Variants in IGF1R observed in about 807,000 individuals in gnomAD.
The protein encoded by IGF1R is insulin like growth factor 1 receptor.
Under a neutral mutation model 144.6 loss-of-function variants are expected in IGF1R, and 44 were observed. The ratio of observed to expected loss-of-function variants is 0.30; its 90% CI spans 0.24 to 0.39. The LOEUF is 0.39. Among genes scored for constraint, IGF1R ranks in the 10% least tolerant of loss-of-function variants. The probability of loss-of-function intolerance (pLI) is 1.00; values close to 1 mark genes in which losing one functional copy is unlikely to be tolerated. For missense variants in IGF1R, 1,355 were observed against 1,833.7 expected (o/e 0.74, Z 4.77); for synonymous variants, 795 against 722.8 (o/e 1.10, Z -1.60).
In IGF1R at chr15:98,960,254, A is replaced by T. The variant is rs1053858243; in HGVS notation, c.*2812A>T. 1.7e-5 allele frequency: 4 copies of T among 233,114 alleles called. No individual in the cohort carries two copies. The highest frequency in any genetic ancestry group is 2.5e-5 in the Non-Finnish European group (3 of 118,012). 14.4% of individuals were successfully genotyped at this position (233,114 alleles called of 1,614,324 possible). On this transcript the variant is annotated 3_prime_UTR_variant, in exon 21 of 21. Transcript: ENST00000650285. ...TAACTCACCTCTCTGCTCATTTCAGACAGCTTGCCTTTTTCTGAGATGTCC... is the reference window on the plus strand; with the variant it reads ...TAACTCACCTCTCTGCTCATTTCAGTCAGCTTGCCTTTTTCTGAGATGTCC...
chr15:98,933,315 T>C (rs1417180283), intron 15 of IGF1R, among the ~76,000 whole-genome samples: 3 of 152,238 alleles, frequency 2.0e-5, no homozygotes, highest in African/African-American at 7.2e-5. Flanking sequence ...TTGTTTTGCC[T>C]TCCTTCCTGC....
intron 2 of IGF1R, among the ~76,000 whole-genome samples, chr15:98,887,683 G>C (rs569820498): frequency 3.9e-5 from 6 of 152,202 alleles, no homozygotes; most frequent in African/African-American, 1.4e-4. Flanking sequence ...CACGCCTGAC[G>C]AGCGGGAATG....
Position 98,962,439 on chromosome 15 carries a change from T to A in IGF1R, c.*4997T>A, listed in dbSNP as rs1466798113. 4.3e-6 allele frequency: 1 copy of A among 233,684 alleles called. No individual in the cohort carries two copies. Among genetic ancestry groups the A allele is most frequent in the Non-Finnish European group, 8.5e-6 (1 of 118,088 alleles). The allele number at this position is 233,684 out of a possible 1,614,324, so 14.5% of individuals were successfully genotyped here. A position where few individuals can be genotyped will look rare whatever the true frequency, so the allele number is the denominator to read the frequency against. Reference sequence around the variant, plus strand: ...CCAGTGGCGAAAGACACTTTCTTTCTTCACTCTGAAGTAGCTGGTGGTACA... The same window carrying A: ...CCAGTGGCGAAAGACACTTTCTTTCATCACTCTGAAGTAGCTGGTGGTACA... On this transcript the variant is annotated 3_prime_UTR_variant, in exon 21 of 21. Coordinates refer to ENST00000650285, the MANE Select transcript of IGF1R (RefSeq NM_000875.5).
chr15:98,703,110 C>A (rs2053776455), intron 1 of IGF1R, among the ~76,000 whole-genome samples: 1 of 152,082 alleles, frequency 6.6e-6, no homozygotes, highest in African/African-American at 2.4e-5. Context: ...GCCCCACTGT[C>A]CCCATCTTCC....
chr15:98,888,438 A>AGAGAGTGTGTGT (rs1555457179), intron 2 of IGF1R, among the ~76,000 whole-genome samples: 43,676 of 143,332 alleles, frequency 0.3, 7,933 homozygotes, highest in Non-Finnish European at 0.41. Context: ...AGAGAGAGAG[A>AGAGAGTGTGTGT]GTGTGTGTGT....
intron 2 of IGF1R, among the ~76,000 whole-genome samples, chr15:98,776,922 A>G (rs528543500): frequency 1.3e-5 from 2 of 152,350 alleles, no homozygotes; most frequent in Admixed American, 6.5e-5. Flanking sequence ...AGAGCTGGAC[A>G]CAGGTGCTTA....
At chr15:98,910,834 G>A (rs1280110917) in intron 6 of IGF1R, among the ~76,000 whole-genome samples, 1 of 152,184 alleles carries the variant, frequency 6.6e-6, no homozygotes, top group Non-Finnish European at 1.5e-5. Flanking sequence ...CCTTTCTGTG[G>A]CACACCTGTA....
In IGF1R at chr15:98,649,125, C is replaced by T. The variant is rs532795349; in HGVS notation, c.-457C>T. 1 of 219,274 alleles carries T rather than the reference C, an allele frequency of 4.6e-6. No homozygotes were observed. The highest frequency in any genetic ancestry group is 1.8e-4 in the South Asian group (1 of 5,438). 13.6% of individuals were successfully genotyped at this position (219,274 alleles called of 1,614,324 possible). ...CCTGTGACCCGGACTTCGGGGCGAT[C>T]TTGCGAACTGCGTCGCGCCCTCCCG... On this transcript the variant is annotated 5_prime_UTR_variant, in exon 1 of 21. Coordinates refer to ENST00000650285, the MANE Select transcript of IGF1R (RefSeq NM_000875.5).
At position 98,891,285 on chromosome 15, in the gene IGF1R, C is replaced by T; in HGVS notation, c.641-40C>T. On this transcript the variant is annotated intron_variant, in intron 2 of 20. Coordinates refer to ENST00000650285, the MANE Select transcript of IGF1R (RefSeq NM_000875.5). The surrounding 1 kb of genome is among the most constrained non-coding windows in gnomAD (Gnocchi z 4.7). ...CAGGCCCAGAGAAGGCGGTGCCTCC[C>T]CTGCCCGGTCTCATCTCCGTCTCTC... is the stretch of plus-strand genomic sequence containing the variant. 1.3e-6 allele frequency: 2 copies of T among 1,588,982 alleles called. No individual in the cohort carries two copies. The highest frequency in any genetic ancestry group is 1.1e-5 in the South Asian group (1 of 90,076).
At chr15:98,839,223 T>A (rs149007965) in intron 2 of IGF1R, among the ~76,000 whole-genome samples, 285 of 152,322 alleles carry the variant, frequency 1.9e-3, no homozygotes, top group African/African-American at 6.7e-3. Flanking sequence ...ATCCCCACTT[T>A]AGAGACAAAA....
intron 17 of IGF1R, among the ~76,000 whole-genome samples, chr15:98,937,141 C>T (rs1392381167): frequency 1.3e-5 from 2 of 152,238 alleles, no homozygotes; most frequent in Non-Finnish European, 2.9e-5. Flanking sequence ...CCACCTCAGC[C>T]TCCCAAAGTG....
At chr15:98,701,069 C>T (rs1235783322) in intron 1 of IGF1R, among the ~76,000 whole-genome samples, 1 of 151,952 alleles carries the variant, frequency 6.6e-6, no homozygotes, top group Non-Finnish European at 1.5e-5. Flanking sequence ...TTTTGTTGTA[C>T]TAAGTTATTG....
At chr15:98,819,430 G>T (rs952098063) in intron 2 of IGF1R, among the ~76,000 whole-genome samples, 1 of 152,160 alleles carries the variant, frequency 6.6e-6, no homozygotes, top group African/African-American at 2.4e-5. Context: ...GGACCTTTAT[G>T]AATGAGATTG....
chr15:98,912,112 C>T (rs113974759), intron 7 of IGF1R, among the ~76,000 whole-genome samples: 1 of 152,082 alleles, frequency 6.6e-6, no homozygotes, highest in African/African-American at 2.4e-5. Flanking sequence ...CTTCCTTTGC[C>T]TTCTATATCC....
chr15:98,873,284 C>T (rs1048053697), intron 2 of IGF1R, among the ~76,000 whole-genome samples: 5 of 151,680 alleles, frequency 3.3e-5, no homozygotes, highest in African/African-American at 1.2e-4. Flanking sequence ...TACTTTTTTT[C>T]AAAAAAATCT....
chr15:98,855,363 TGA>T (rs991792388), intron 2 of IGF1R, among the ~76,000 whole-genome samples: 1 of 152,206 alleles, frequency 6.6e-6, no homozygotes, highest in African/African-American at 2.4e-5. Flanking sequence ...ACCTTTTCCT[TGA>T]GGGAGTTATG....
chr15:98,747,413 G>GTC (rs1237430902), intron 2 of IGF1R, among the ~76,000 whole-genome samples: 1 of 152,084 alleles, frequency 6.6e-6, no homozygotes, highest in African/African-American at 2.4e-5. Context: ...GGCCTGGCTG[G>GTC]TCTCGAACTC....
intron 2 of IGF1R, among the ~76,000 whole-genome samples, chr15:98,777,807 G>A (rs1231235333): frequency 6.6e-6 from 1 of 152,214 alleles, no homozygotes; most frequent in African/African-American, 2.4e-5. Context: ...AGACGGAGCT[G>A]GGAGCAGCTG....
rs186875063 is a variant in IGF1R, at chr15:98,679,612, A to G, written c.95-27950A>G. Among the ~76,000 whole-genome samples, 27 of 152,346 alleles carry G rather than the reference A, an allele frequency of 1.8e-4. No individual in the cohort carries two copies. In the East Asian group the frequency reaches 5.2e-3, roughly 29 times the overall value. ...AGTCAGATGAAAGTGCAGCGCATACAATTGTGTGCGGTACCTAATACTTGA... is the reference window on the plus strand; with the variant it reads ...AGTCAGATGAAAGTGCAGCGCATACGATTGTGTGCGGTACCTAATACTTGA... On this transcript the variant is annotated intron_variant, in intron 1 of 20. Coordinates refer to ENST00000650285, the MANE Select transcript of IGF1R (RefSeq NM_000875.5).
Sources: gnomAD v4.1 joint callset for allele counts (sites outside exome capture counted in the v4.1 genomes callset) on GRCh38, gnomAD v4.1.1 for gene constraint, Gnocchi (gnomAD v3.1) non-coding constraint, MANE v1.5 for transcripts, NCBI Gene and HGNC (gene_info 2026-07-23, HGNC 2026-07-21) for gene names.